Variants in IGSF10 observed in about 807,000 individuals in gnomAD.
IGSF10 encodes calvaria mechanical force protein 608.
In IGSF10, 126 loss-of-function variants were observed where a neutral mutation model predicts 128.2. That is an observed-to-expected ratio of 0.98 (90% CI 0.85 to 1.14). The LOEUF is 1.14. Among genes scored for constraint, IGSF10 ranks in the 50% most tolerant of loss-of-function variants. The pLI is 0.00. For synonymous variants in IGSF10, 1,185 were observed against 1,146.2 expected (o/e 1.03, Z -0.68); for missense variants, 3,295 against 3,149.8 (o/e 1.05, Z -1.10).
At position 151,447,962 on chromosome 3, in the gene IGSF10, A is replaced by C. The variant is rs1194191270; in HGVS notation, c.2019T>G (p.Asp673Glu). ...CAAGTCCAGATCCCTCTGTTTCTCC[A>C]TCATGCTCCAAGGGCCTTTGTCCTT... is the stretch of plus-strand genomic sequence containing the variant. ...KMKGQRPLEH[D>E]GETEGSGLDE... The change falls in exon 6 of 8, where the codon GAT becomes GAG. Residue 673 changes from aspartate to glutamate, a missense_variant. Transcript: ENST00000282466. 1 of 1,614,134 alleles carries C rather than the reference A, an allele frequency of 6.2e-7. No homozygotes were observed. The highest frequency in any genetic ancestry group is 1.7e-5 in the Admixed American group (1 of 60,012).
At chr3:151,608,739 C>A in the IGSF10 span, among the ~76,000 whole-genome samples, 2 of 152,044 alleles carry the variant, frequency 1.3e-5, no homozygotes, top group African/African-American at 4.8e-5. Flanking sequence ...GAATATTTCC[C>A]TTCTCTCATA....
chr3:151,527,820 G>A, the IGSF10 span, among the ~76,000 whole-genome samples: 2 of 151,728 alleles, frequency 1.3e-5, no homozygotes, highest in African/African-American at 2.4e-5. Flanking sequence ...GGGCATGGTG[G>A]TACATGCCTG....
the IGSF10 span, among the ~76,000 whole-genome samples, chr3:151,466,814 G>A: frequency 6.6e-6 from 1 of 152,092 alleles, no homozygotes; most frequent in Admixed American, 6.5e-5. Context: ...CCTGACCTCA[G>A]GTGATCCACC....
At chr3:151,547,021 C>G in the IGSF10 span, among the ~76,000 whole-genome samples, 971 of 152,090 alleles carry the variant, frequency 6.4e-3, 16 homozygotes, top group African/African-American at 0.022. Flanking sequence ...TCCACCCCCC[C>G]CTTGGCCTCC....
chr3:151,571,155 C>G, the IGSF10 span, among the ~76,000 whole-genome samples: 1 of 152,118 alleles, frequency 6.6e-6, no homozygotes, highest in South Asian at 2.1e-4. Context: ...AGTTTGAAGT[C>G]AGGTAGCGTG....
At chr3:151,605,984 G>C in the IGSF10 span, among the ~76,000 whole-genome samples, 1 of 152,172 alleles carries the variant, frequency 6.6e-6, no homozygotes, top group Middle Eastern at 3.4e-3. Flanking sequence ...AAGTTCCCAG[G>C]TGATAGTGAT....
chr3:151,481,209 G>A, the IGSF10 span, among the ~76,000 whole-genome samples: 7 of 152,122 alleles, frequency 4.6e-5, no homozygotes, highest in Admixed American at 2.0e-4. Flanking sequence ...TGCATGAGCC[G>A]TGTGACCTCA....
Position 151,436,672 on chromosome 3 carries a change from G to A in IGSF10, c.*17C>T. 3 of 1,537,760 alleles carry A rather than the reference G, an allele frequency of 2.0e-6. No individual in the cohort carries two copies. The highest frequency in any genetic ancestry group is 1.4e-5 in the African/African-American group (1 of 72,644). ...AAATAAATTCTGCCCAGATGTTGTT[G>A]ACTTTATTATTTCATGTCAGATTAC... On this transcript the variant is annotated 3_prime_UTR_variant, in exon 8 of 8. Coordinates refer to ENST00000282466, the MANE Select transcript of IGSF10 (RefSeq NM_178822.5).
chr3:151,552,703 G>C, the IGSF10 span, among the ~76,000 whole-genome samples: 3 of 152,138 alleles, frequency 2.0e-5, no homozygotes, highest in Non-Finnish European at 4.4e-5. Context: ...GGGGGTTAGT[G>C]CTGGGAAAGA....
At chr3:151,553,406 G>A in the IGSF10 span, among the ~76,000 whole-genome samples, 1 of 151,872 alleles carries the variant, frequency 6.6e-6, no homozygotes, top group Non-Finnish European at 1.5e-5. Context: ...CTATTCTTTT[G>A]AGTCAGTAGC....
the IGSF10 span, among the ~76,000 whole-genome samples, chr3:151,586,638 T>C: frequency 5.3e-5 from 8 of 152,326 alleles, no homozygotes; most frequent in East Asian, 1.9e-4. Flanking sequence ...CCCCTTGAAA[T>C]TGTCATTTCT....
At chr3:151,610,505 T>C in the IGSF10 span, among the ~76,000 whole-genome samples, 1 of 152,226 alleles carries the variant, frequency 6.6e-6, no homozygotes, top group Non-Finnish European at 1.5e-5. Flanking sequence ...CTTTCTTAGA[T>C]TCTTTTTTAA....
chr3:151,582,764 G>A, the IGSF10 span, among the ~76,000 whole-genome samples: 1 of 152,110 alleles, frequency 6.6e-6, no homozygotes, highest in African/African-American at 2.4e-5. Context: ...AGGACTTGCA[G>A]TGCAATGTTA....
chr3:151,584,785 G>A, the IGSF10 span, among the ~76,000 whole-genome samples: 61 of 152,252 alleles, frequency 4.0e-4, no homozygotes, highest in African/African-American at 1.3e-3. Context: ...TTGGGGTTGG[G>A]AGCATAACCT....
chr3:151,437,139 T>C lies in IGSF10; in HGVS notation c.7422A>G (p.Val2474=), dbSNP rs748147099. Residue 2474 remains valine (V), a synonymous_variant, in exon 8 of 8, where the codon GTA becomes GTG. Transcript: ENST00000282466. ...ATTTCCCATTAATTTGAGGCCTGTCTACTACATAACCACTTGGCATAGTCC... is the reference window on the plus strand; with the variant it reads ...ATTTCCCATTAATTTGAGGCCTGTCCACTACATAACCACTTGGCATAGTCC... ...IKWTMPSGYV[V]DRPQINGKYI... The C allele has an allele frequency of 6.2e-7, 1 of 1,614,094 alleles. No homozygotes were observed.
the IGSF10 span, among the ~76,000 whole-genome samples, chr3:151,502,822 T>C: frequency 6.6e-6 from 1 of 151,972 alleles, no homozygotes; most frequent in Non-Finnish European, 1.5e-5. Context: ...AGCAAGAAAA[T>C]ACTGAGCAAA....
the IGSF10 span, among the ~76,000 whole-genome samples, chr3:151,558,006 A>T: frequency 2.1e-3 from 55 of 26,582 alleles, no homozygotes; most frequent in Non-Finnish European, 2.4e-3. Flanking sequence ...AGTATATATA[A>T]TATATATATA....
chr3:151,509,795 A>T, the IGSF10 span, among the ~76,000 whole-genome samples: 2 of 152,170 alleles, frequency 1.3e-5, no homozygotes, highest in South Asian at 4.1e-4. Context: ...CACTTTTCCA[A>T]TGGGCTTATC....
At chr3:151,530,036 A>G in the IGSF10 span, among the ~76,000 whole-genome samples, 1 of 152,068 alleles carries the variant, frequency 6.6e-6, no homozygotes, top group South Asian at 2.1e-4. Context: ...GGAGCTGAAA[A>G]ACACAGCACG....
Sources: gnomAD v4.1 joint callset for allele counts (sites outside exome capture counted in the v4.1 genomes callset) on GRCh38, gnomAD v4.1.1 for gene constraint, MANE v1.5 for transcripts, NCBI Gene and HGNC (gene_info 2026-07-23, HGNC 2026-07-21) for gene names.